KANSL1: variants seen among roughly 807,000 people sequenced by gnomAD.
KANSL1 encodes the protein KAT8 regulatory NSL complex subunit 1, also known as MLL1/MLL complex subunit KANSL1.
Under a neutral mutation model 103.6 loss-of-function variants are expected in KANSL1, and 22 were observed. The observed-to-expected ratio is 0.21, with a 90% CI of 0.15 to 0.30. The LOEUF (loss-of-function observed/expected upper bound fraction) is 0.30. Among genes scored for constraint, KANSL1 ranks in the 10% least tolerant of loss-of-function variants. KANSL1 has a pLI of 1.00. For missense variants in KANSL1, 1,337 were observed against 1,399.8 expected (o/e 0.96, Z 0.72); for synonymous variants, 600 against 527.6 (o/e 1.14, Z -1.88).
At chr17:46,094,811 T>C in intron 2 of KANSL1, 110 bp from the exon 3 acceptor site, 1 of 1,283,284 alleles carries the variant, frequency 7.8e-7, no homozygotes, top group South Asian at 1.2e-5. Context: ...AGACTAACTC[T>C]AGTGTCAAGA....
At chr17:46,076,306 C>A (rs1320576716) in intron 4 of KANSL1, among the ~76,000 whole-genome samples, 1 of 151,594 alleles carries the variant, frequency 6.6e-6, no homozygotes, top group Non-Finnish European at 1.5e-5. Flanking sequence ...ACTAGCCTGG[C>A]CAACATGGTG....
At chr17:46,195,092 GTACACACA>G (rs1263407993), upstream of KANSL1, among the ~76,000 whole-genome samples, 1 of 152,170 alleles carries the variant, frequency 6.6e-6, no homozygotes, top group Non-Finnish European at 1.5e-5. Flanking sequence ...CTTTTTTATT[GTACACACA>G]TACACACATA....
At chr17:46,067,862 C>A (rs775550783) in intron 4 of KANSL1, among the ~76,000 whole-genome samples, 195 bp from the exon 5 acceptor site, 2 of 152,030 alleles carry the variant, frequency 1.3e-5, no homozygotes, top group Non-Finnish European at 2.9e-5. Flanking sequence ...ATAATTGCAG[C>A]ACTTTGGGAG....
chr17:46,032,071 T>C lies in KANSL1; in HGVS notation c.3066A>G (p.Thr1022=), dbSNP rs763978952. 1 of 1,614,160 alleles carries C rather than the reference T, an allele frequency of 6.2e-7. No individual in the cohort carries two copies. The highest frequency in any genetic ancestry group is 8.5e-7 in the Non-Finnish European group (1 of 1,180,032). The change falls in exon 14 of 15, where the codon ACA becomes ACG. Residue 1022 remains threonine (T), a synonymous_variant. Coordinates refer to ENST00000432791, the MANE Select transcript of KANSL1 (RefSeq NM_015443.4). ...CCTGTTCATCCAGCCCCAGCTCTGGTGTGGAACAACGGGTATCCTCACTGG... is the reference window on the plus strand; with the variant it reads ...CCTGTTCATCCAGCCCCAGCTCTGGCGTGGAACAACGGGTATCCTCACTGG... ...HLASEDTRCS[T]PELGLDEQSV...
intron 4 of KANSL1, among the ~76,000 whole-genome samples, chr17:46,068,878 A>G (rs2078476193): frequency 6.6e-6 from 1 of 152,202 alleles, no homozygotes; most frequent in Non-Finnish European, 1.5e-5. Context: ...GCTATCCCTC[A>G]GTTCTAGCAA....
intron 2 of KANSL1, among the ~76,000 whole-genome samples, chr17:46,098,129 C>G (rs571009086): frequency 2.5e-4 from 37 of 149,890 alleles, no homozygotes; most frequent in Admixed American, 6.6e-4. Context: ...CTCAAGAGAT[C>G]AATAAGAAAC....
At chr17:46,101,624 C>T (rs1412468150) in intron 2 of KANSL1, among the ~76,000 whole-genome samples, 2 of 151,658 alleles carry the variant, frequency 1.3e-5, no homozygotes, top group East Asian at 1.9e-4. Flanking sequence ...CTTAGTAGCA[C>T]GCGCCTGTAA....
At chr17:46,156,410 T>C (rs17662235) in intron 2 of KANSL1, among the ~76,000 whole-genome samples, 21,944 of 152,086 alleles carry the variant, frequency 0.14, 2,136 homozygotes, top group Non-Finnish European at 0.22. Flanking sequence ...AGTGTTTATA[T>C]GGAGAACTCC....
intron 1 of KANSL1, among the ~76,000 whole-genome samples, chr17:46,189,897 A>AC (rs2047224923): frequency 8.5e-6 from 1 of 117,950 alleles, no homozygotes; most frequent in Non-Finnish European, 1.7e-5. Context: ...ACAGAACGAG[A>AC]CCCTGCCTCA....
chr17:46,100,082 T>TA (rs1411457241), intron 2 of KANSL1, among the ~76,000 whole-genome samples: 1 of 150,454 alleles, frequency 6.6e-6, no homozygotes, highest in African/African-American at 2.4e-5. Context: ...TTTACACAGT[T>TA]AGACTATTAC....
intron 2 of KANSL1, among the ~76,000 whole-genome samples, chr17:46,154,364 C>T (rs1311802777): frequency 6.6e-6 from 1 of 152,250 alleles, no homozygotes; most frequent in African/African-American, 2.4e-5. Context: ...ACTGCAGCCT[C>T]GACCTCCCAG....
At chr17:46,118,913 C>T (rs2043158502) in intron 2 of KANSL1, among the ~76,000 whole-genome samples, 1 of 152,176 alleles carries the variant, frequency 6.6e-6, no homozygotes, top group Non-Finnish European at 1.5e-5. Context: ...GGGCCTTATC[C>T]ATTTCTCAAG....
rs112741535 is a variant in KANSL1 at position 46,143,418 on chromosome 17, C to G, written c.1289+27437G>C. ...CTGAGGCAGGAAAATCGCTTGAACC[C>G]GCGAGACAGAGGTTGCAGTGAGCTG... On this transcript the variant is annotated intron_variant, in intron 2 of 14. Coordinates refer to ENST00000432791, the MANE Select transcript of KANSL1 (RefSeq NM_015443.4). Among the ~76,000 whole-genome samples the G allele has an allele frequency of 3.0e-3, 451 of 152,218 alleles. 8 individuals are homozygous for G. Among genetic ancestry groups the G allele is most frequent in the African/African-American group, 0.011 (439 of 41,504 alleles).
chr17:46,185,143 A>G (rs547509406), intron 1 of KANSL1, among the ~76,000 whole-genome samples: 1 of 152,276 alleles, frequency 6.6e-6, no homozygotes, highest in Non-Finnish European at 1.5e-5. Context: ...GTACTTCTTA[A>G]AAAAGGAGGG....
At chr17:46,049,512 G>A (rs1261122147) in intron 7 of KANSL1, 1 of 152,190 alleles carries the variant, frequency 6.6e-6, no homozygotes, top group Non-Finnish European at 1.5e-5. Context: ...GGGATTACAA[G>A]CGTGAGCCAC....
intron 1 of KANSL1, among the ~76,000 whole-genome samples, chr17:46,178,222 G>C (rs974195858): frequency 6.6e-6 from 1 of 152,014 alleles, no homozygotes; most frequent in African/African-American, 2.4e-5. Context: ...GAGAAGCTCA[G>C]GGCTAAAGGA....
intron 6 of KANSL1, among the ~76,000 whole-genome samples, chr17:46,054,480 C>CT (rs2077846646): frequency 1.3e-5 from 2 of 152,230 alleles, no homozygotes; most frequent in Non-Finnish European, 2.9e-5. Context: ...CCTCCTCCTA[C>CT]TGGTTCTTAC....
chr17:46,192,329 C>G (rs1361282476), intron 1 of KANSL1: 1 of 151,974 alleles, frequency 6.6e-6, no homozygotes, highest in Non-Finnish European at 1.5e-5. Flanking sequence ...AAAAAGTCCG[C>G]CTGAGGGAGA....
chr17:46,200,363 G>C (rs574895378), intron 1 of KANSL1, among the ~76,000 whole-genome samples: 5 of 152,308 alleles, frequency 3.3e-5, no homozygotes, highest in African/African-American at 1.2e-4. Context: ...CCAAGTTGTG[G>C]AGGGCCTGAC....
Sources: allele counts gnomAD v4.1 joint callset (sites outside exome capture counted in the v4.1 genomes callset), GRCh38; gene constraint gnomAD v4.1.1; transcripts MANE v1.5; gene names NCBI Gene and HGNC (gene_info 2026-07-23, HGNC 2026-07-21).